Variants in LIPG observed in about 807,000 individuals in gnomAD.
LIPG encodes lipase G, endothelial type, also known as endothelial lipase.
LIPG carries 34 observed loss-of-function variants against 51.8 expected under a neutral mutation model. That is an observed-to-expected ratio of 0.66 (90% CI 0.50 to 0.87). The LOEUF is 0.87. LIPG is among the 40% of genes least tolerant of loss of function. LIPG has a pLI of 0.00. For synonymous variants in LIPG, 246 were observed against 246.1 expected, an observed-to-expected ratio of 1.00 and a Z score of 0.00; for missense variants, 580 against 652.7, an observed-to-expected ratio of 0.89 and a Z score of 1.21.
At chr18:49,582,280 T>G in intron 6 of LIPG, 82 bp from the exon 7 acceptor site, 2 of 1,563,492 alleles carry the variant, frequency 1.3e-6, no homozygotes, top group Non-Finnish European at 1.8e-6. Flanking sequence ...AAAATCTCTG[T>G]GCTGGTGACT....
At chr18:49,588,313 C>A (rs181379342) in intron 9 of LIPG, among the ~76,000 whole-genome samples, 2 of 145,994 alleles carry the variant, frequency 1.4e-5, no homozygotes, top group African/African-American at 5.1e-5. Context: ...GACAAAGTCT[C>A]ACTCTATCGC....
rs116888584 is a variant in LIPG, at chr18:49,586,872, G to T, written c.1481+22G>T. ...CCAGGTAACCAGGACTTTCTCACACGTTCCACCCAGGACACGTTGACATGA... is the reference window on the plus strand; with the variant it reads ...CCAGGTAACCAGGACTTTCTCACACTTTCCACCCAGGACACGTTGACATGA... On this transcript the variant is annotated intron_variant, in intron 9 of 9. Transcript: ENST00000261292. 9 of 1,545,118 alleles carry T rather than the reference G, an allele frequency of 5.8e-6. No individual in the cohort carries two copies. The Admixed American group carries it at 1.3e-4, about 23-fold the overall frequency.
At chr18:49,566,319 C>A (rs1450256934) in intron 2 of LIPG, among the ~76,000 whole-genome samples, 1 of 152,232 alleles carries the variant, frequency 6.6e-6, no homozygotes, top group Admixed American at 6.5e-5. Context: ...GCTCATCACA[C>A]AACCTACAAT....
Position 49,597,927 on chromosome 18 carries a change from A to T in LIPG, c.*7405A>T, listed in dbSNP as rs1326136565. ...TCTGCCCTGGTTATTATCCCAAGGC[A>T]ACTTCAGTGGGCTTGTTTTGAAGTC... On this transcript the variant is annotated 3_prime_UTR_variant, in exon 10 of 10. Coordinates refer to ENST00000261292, the MANE Select transcript of LIPG (RefSeq NM_006033.4). The T allele has an allele frequency of 6.6e-6, 1 of 152,218 alleles. No individual in the cohort carries two copies. Among genetic ancestry groups the T allele is most frequent in the East Asian group, 1.9e-4 (1 of 5,206 alleles). The allele number at this position is 152,218 out of a possible 1,614,324, so 9.4% of individuals were successfully genotyped here.
rs1568536072 is a variant in LIPG at position 49,583,785 on chromosome 18, C to T, written c.1376+11C>T. On this transcript the variant is annotated intron_variant, in intron 8 of 9. Coordinates refer to ENST00000261292, the MANE Select transcript of LIPG (RefSeq NM_006033.4). Reference sequence around the variant, plus strand: ...GGAAACCCAGCGGAAGTAAGTGCCTCCTGCTCCTTCTTCTGCCTGGTGTAG... The same window carrying T: ...GGAAACCCAGCGGAAGTAAGTGCCTTCTGCTCCTTCTTCTGCCTGGTGTAG... The T allele has an allele frequency of 4.4e-6, 7 of 1,602,456 alleles. No homozygotes were observed. The highest frequency in any genetic ancestry group is 5.1e-6 in the Non-Finnish European group (6 of 1,174,362).
At chr18:49,582,773 T>C (rs138177685) in intron 7 of LIPG, among the ~76,000 whole-genome samples, 1,592 of 152,372 alleles carry the variant, frequency 0.01, 26 homozygotes, top group African/African-American at 0.036. Flanking sequence ...CTGTTTCATT[T>C]CAGGCAATGC....
At chr18:49,588,818 C>T (rs2084911944) in intron 9 of LIPG, among the ~76,000 whole-genome samples, 1 of 152,148 alleles carries the variant, frequency 6.6e-6, no homozygotes, top group Admixed American at 6.5e-5. Flanking sequence ...AGGAGACTGT[C>T]TCCTCACACC....
intron 4 of LIPG, among the ~76,000 whole-genome samples, chr18:49,573,984 G>A (rs967670786): frequency 6.6e-6 from 1 of 152,202 alleles, no homozygotes; most frequent in Non-Finnish European, 1.5e-5. Context: ...GGCCCTGCTA[G>A]ATGCTAGCAA....
At chr18:49,569,312 G>A in intron 3 of LIPG, 125 bp from the exon 4 acceptor site, 1 of 802,002 alleles carries the variant, frequency 1.2e-6, no homozygotes. Context: ...TGGGGCCCTG[G>A]GGAGTCTCTG....
At chr18:49,585,490 C>T (rs1010424399) in intron 8 of LIPG, among the ~76,000 whole-genome samples, 2 of 152,158 alleles carry the variant, frequency 1.3e-5, no homozygotes, top group African/African-American at 4.8e-5. Context: ...GAAATTTATC[C>T]AAAACATAAA....
intron 5 of LIPG, among the ~76,000 whole-genome samples, chr18:49,578,175 C>T (rs910502619): frequency 1.3e-5 from 2 of 148,406 alleles, no homozygotes; most frequent in Non-Finnish European, 3.0e-5. Flanking sequence ...AGACGCTCCT[C>T]ACCTCCCAGA....
Position 49,582,357 on chromosome 18 carries a change from T to A in LIPG, c.1037-5T>A, listed in dbSNP as rs1336005482. On this transcript the variant is annotated splice_polypyrimidine_tract_variant and splice_region_variant and intron_variant, in intron 6 of 9. Transcript: ENST00000261292. ...ACAAGCATCTTTGTTCTGCTGTCAC[T>A]GCAGTTTACCATTATCAGATGAAAA... 1 of 1,614,092 alleles carries A rather than the reference T, an allele frequency of 6.2e-7. No homozygotes were observed. Among genetic ancestry groups the A allele is most frequent in the African/African-American group, 1.3e-5 (1 of 74,930 alleles).
chr18:49,566,623 G>C (rs532050305), intron 2 of LIPG, among the ~76,000 whole-genome samples: 1 of 152,136 alleles, frequency 6.6e-6, no homozygotes, highest in Admixed American at 6.5e-5. Context: ...TTGGGATTCC[G>C]GGGACAGATT....
Position 49,595,904 on chromosome 18 carries a change from G to T in LIPG, c.*5382G>T, listed in dbSNP as rs1185810184. Reference sequence around the variant, plus strand: ...CGGAAATTTTATGTATGATAAAAGGGGCCTATTAGTCTTTGGGAAAGGAAT... The same window carrying T: ...CGGAAATTTTATGTATGATAAAAGGTGCCTATTAGTCTTTGGGAAAGGAAT... On this transcript the variant is annotated 3_prime_UTR_variant, in exon 10 of 10. Coordinates refer to ENST00000261292, the MANE Select transcript of LIPG (RefSeq NM_006033.4). 6.6e-6 allele frequency: 1 copy of T among 152,002 alleles called. No individual in the cohort carries two copies. Among genetic ancestry groups the T allele is most frequent in the Non-Finnish European group, 1.5e-5 (1 of 68,012 alleles). 9.4% of individuals were successfully genotyped at this position (152,002 alleles called of 1,614,324 possible).
intron 4 of LIPG, among the ~76,000 whole-genome samples, chr18:49,570,828 C>T (rs1259766537): frequency 6.6e-6 from 1 of 152,072 alleles, no homozygotes; most frequent in African/African-American, 2.4e-5. Flanking sequence ...GACTCCGTCT[C>T]AAAAAACAAA....
intron 9 of LIPG, among the ~76,000 whole-genome samples, chr18:49,589,120 C>A (rs1386670930): frequency 6.6e-6 from 1 of 152,104 alleles, no homozygotes; most frequent in Non-Finnish European, 1.5e-5. Context: ...AGATGAATCA[C>A]CTCGCGTCTG....
At chr18:49,588,705 G>A (rs17656331) in intron 9 of LIPG, among the ~76,000 whole-genome samples, 2,251 of 152,224 alleles carry the variant, frequency 0.015, 33 homozygotes, top group Non-Finnish European at 0.023. Flanking sequence ...GCTGCAATCC[G>A]TTATTTCAGA....
At chr18:49,585,911 G>T (rs1157935574) in intron 8 of LIPG, among the ~76,000 whole-genome samples, 5 of 152,124 alleles carry the variant, frequency 3.3e-5, no homozygotes, top group Non-Finnish European at 7.4e-5. Flanking sequence ...CGTGAGATAG[G>T]TCATGTTTTT....
chr18:49,575,211 G>C (rs1328693836), intron 4 of LIPG, among the ~76,000 whole-genome samples, 158 bp from the exon 5 acceptor site: 1 of 152,212 alleles, frequency 6.6e-6, no homozygotes, highest in Admixed American at 6.5e-5. Context: ...ATATGGAAAT[G>C]GGTTTCTTAT....
Sources: gnomAD v4.1 joint callset for allele counts (sites outside exome capture counted in the v4.1 genomes callset) on GRCh38, gnomAD v4.1.1 for gene constraint, MANE v1.5 for transcripts, NCBI Gene and HGNC (gene_info 2026-07-23, HGNC 2026-07-21) for gene names.